The following ERG variants were observed in gnomAD, a reference collection of about 807,000 sequenced individuals.
ERG encodes the protein ETS transcription factor ERG, also known as transcriptional regulator ERG.
In ERG, 9 loss-of-function variants were observed where a neutral mutation model predicts 55.3. The observed-to-expected ratio is 0.16, with a 90% CI of 0.10 to 0.28. The LOEUF is 0.28. ERG is among the 10% of genes least tolerant of loss of function. ERG has a pLI of 1.00. For missense variants in ERG, 434 were observed against 631.6 expected (o/e 0.69, Z 3.35); for synonymous variants, 223 against 237.3 (o/e 0.94, Z 0.55).
At chr21:38,602,919 A>C (rs1175716209) in intron 1 of ERG, among the ~76,000 whole-genome samples, 1 of 152,000 alleles carries the variant, frequency 6.6e-6, no homozygotes, top group Non-Finnish European at 1.5e-5. Context: ...GGCAAACCAC[A>C]TTGAAAAAGT....
chr21:38,528,592 C>T (rs1448191770), intron 2 of ERG, among the ~76,000 whole-genome samples: 1 of 91,536 alleles, frequency 1.1e-5, no homozygotes, highest in African/African-American at 3.6e-5. Context: ...GGACTACAGG[C>T]ACCCGCCACT....
chr21:38,547,490 TG>T (rs1425149166), intron 2 of ERG, among the ~76,000 whole-genome samples: 1 of 152,124 alleles, frequency 6.6e-6, no homozygotes, highest in African/African-American at 2.4e-5. Flanking sequence ...CTGGGACACC[TG>T]GGAGAGATTT....
chr21:38,579,184 A>T (rs2060013089), intron 1 of ERG, among the ~76,000 whole-genome samples: 1 of 152,170 alleles, frequency 6.6e-6, no homozygotes, highest in Non-Finnish European at 1.5e-5. Flanking sequence ...ACATCCTTGG[A>T]TATCCAAGAC....
chr21:38,619,823 C>T (rs951934056), intron 1 of ERG, among the ~76,000 whole-genome samples: 2 of 152,152 alleles, frequency 1.3e-5, no homozygotes, highest in Non-Finnish European at 2.9e-5. Context: ...GAAGATAATT[C>T]GTCATGGTTA....
chr21:38,574,146 T>C (rs763847836), intron 2 of ERG, among the ~76,000 whole-genome samples: 2 of 152,226 alleles, frequency 1.3e-5, no homozygotes, highest in Non-Finnish European at 2.9e-5. Context: ...AAGATATTTA[T>C]TGTCTCAACT....
intron 1 of ERG, among the ~76,000 whole-genome samples, chr21:38,495,727 T>C (rs1365620023): frequency 1.1e-4 from 17 of 151,954 alleles, no homozygotes; most frequent in Non-Finnish European, 2.5e-4. Context: ...AAATTGCAGA[T>C]GGCATTAAAA....
chr21:38,468,867 C>T (rs1222313959), intron 1 of ERG, among the ~76,000 whole-genome samples: 1 of 151,402 alleles, frequency 6.6e-6, no homozygotes, highest in South Asian at 2.1e-4. Context: ...CGCCTGTAGT[C>T]CCAGCTACTA....
At chr21:38,443,207 C>T (rs1394359260) in intron 2 of ERG, among the ~76,000 whole-genome samples, 3 of 152,234 alleles carry the variant, frequency 2.0e-5, no homozygotes, top group East Asian at 1.9e-4. Flanking sequence ...AGTCTCCCTT[C>T]GGAGGCTTGC....
chr21:38,556,941 AC>A (rs2059862126), intron 2 of ERG, among the ~76,000 whole-genome samples: 1 of 152,154 alleles, frequency 6.6e-6, no homozygotes, highest in African/African-American at 2.4e-5. Context: ...TCTGCCCAGC[AC>A]CCTCAGCAGA....
At position 38,497,329 on chromosome 21, in the gene ERG, T is replaced by C. The variant is rs115506994; in HGVS notation, c.18+1034A>G. ...GCACTTTCCAACAAACTAAAAGCCTTATGAAAACACCACCAAATGCTTCTC... is the reference window on the plus strand; with the variant it reads ...GCACTTTCCAACAAACTAAAAGCCTCATGAAAACACCACCAAATGCTTCTC... On this transcript the variant is annotated intron_variant, in intron 1 of 9. Coordinates refer to ENST00000288319, the MANE Select transcript of ERG (RefSeq NM_182918.4). 7.2e-3 allele frequency among the ~76,000 whole-genome samples: 1,093 copies of C among 152,332 alleles called. 20 individuals carry two copies. Among genetic ancestry groups the C allele is most frequent in the African/African-American group, 0.025 (1,037 of 41,560 alleles).
intron 1 of ERG, among the ~76,000 whole-genome samples, chr21:38,477,794 T>C (rs1381877036): frequency 3.9e-5 from 6 of 152,166 alleles, no homozygotes; most frequent in Non-Finnish European, 7.4e-5. Flanking sequence ...AAATGTAAAG[T>C]ACATGCAGAA....
At chr21:38,497,704 C>G (rs1044295972) in intron 1 of ERG, among the ~76,000 whole-genome samples, 2 of 152,190 alleles carry the variant, frequency 1.3e-5, no homozygotes, top group Non-Finnish European at 2.9e-5. Flanking sequence ...TTCCAATCTC[C>G]GCAAACCTAA....
intron 4 of ERG, among the ~76,000 whole-genome samples, chr21:38,403,063 T>C (rs748091312): frequency 1.3e-5 from 2 of 152,222 alleles, no homozygotes; most frequent in African/African-American, 2.4e-5. Flanking sequence ...ACTTCCCTTG[T>C]TCTGTGCTCA....
chr21:38,529,019 C>T (rs904469137), intron 2 of ERG, among the ~76,000 whole-genome samples: 2 of 151,950 alleles, frequency 1.3e-5, no homozygotes, highest in Admixed American at 6.6e-5. Context: ...AGCACACGGG[C>T]CCTGAGGTAG....
intron 2 of ERG, among the ~76,000 whole-genome samples, chr21:38,541,516 G>A (rs1360036481): frequency 6.6e-6 from 1 of 152,218 alleles, no homozygotes; most frequent in African/African-American, 2.4e-5. Context: ...TTAAATGACT[G>A]ATGTACTGCT....
chr21:38,524,585 T>A (rs752823435), intron 2 of ERG, among the ~76,000 whole-genome samples: 1 of 152,192 alleles, frequency 6.6e-6, no homozygotes, highest in Non-Finnish European at 1.5e-5. Context: ...TTTAGAGTAT[T>A]TTTGGAAACA....
At chr21:38,465,842 T>C (rs2059083992) in intron 1 of ERG, among the ~76,000 whole-genome samples, 1 of 152,182 alleles carries the variant, frequency 6.6e-6, no homozygotes, top group Non-Finnish European at 1.5e-5. Context: ...ACTGTGAATA[T>C]CTCATCCTCC....
At chr21:38,568,918 C>T (rs1250817246) in intron 2 of ERG, among the ~76,000 whole-genome samples, 1 of 152,184 alleles carries the variant, frequency 6.6e-6, no homozygotes, top group African/African-American at 2.4e-5. Flanking sequence ...GATCCTCTGC[C>T]AGGAGGCTTA....
At chr21:38,490,790 G>C (rs1228810564) in intron 1 of ERG, among the ~76,000 whole-genome samples, 5 of 152,230 alleles carry the variant, frequency 3.3e-5, no homozygotes, top group Non-Finnish European at 7.3e-5. Flanking sequence ...CCCTCTCCCA[G>C]ATGGGCCTCT....
Sources: gnomAD v4.1 joint callset for allele counts (sites outside exome capture counted in the v4.1 genomes callset) on GRCh38, gnomAD v4.1.1 for gene constraint, MANE v1.5 for transcripts, NCBI Gene and HGNC (gene_info 2026-07-23, HGNC 2026-07-21) for gene names.